UGT2B28: variants seen among roughly 807,000 people sequenced by gnomAD.
UGT2B28 encodes the protein UDP-glucuronosyltransferase 2B28.
UGT2B28 carries 45 observed loss-of-function variants against 43.6 expected under a neutral mutation model. The ratio of observed to expected loss-of-function variants is 1.03; its 90% CI spans 0.81 to 1.32. The LOEUF (loss-of-function observed/expected upper bound fraction) is 1.32. Among genes scored for constraint, UGT2B28 ranks in the 40% most tolerant of loss-of-function variants. The pLI is 0.00. For missense variants in UGT2B28, 649 were observed against 625.5 expected (o/e 1.04, Z -0.40); for synonymous variants, 204 against 208.1 (o/e 0.98, Z 0.17).
rs1486982690 is a variant in UGT2B28, at chr4:69,281,286, T to C, written c.721+65T>C. On this transcript the variant is annotated intron_variant, in intron 1 of 5. Coordinates refer to ENST00000335568, the MANE Select transcript of UGT2B28 (RefSeq NM_053039.2). ...ATTTGTGTCTTTGAAGCAGAGCTTA[T>C]ATAAAGCCATAAAGTCAGGGAAGTG... 10 of 1,419,550 alleles carry C rather than the reference T, an allele frequency of 7.0e-6. 3 individuals carry two copies. In the Admixed American group the frequency reaches 1.0e-4, roughly 14 times the overall value. The allele number at this position is 1,419,550 out of a possible 1,614,324, so 87.9% of individuals were successfully genotyped here.
At chr4:69,289,643 G>A (rs762736578) in intron 3 of UGT2B28, 22 bp from the exon 4 acceptor site, 2 of 1,527,634 alleles carry the variant, frequency 1.3e-6, no homozygotes, top group East Asian at 2.3e-5. Flanking sequence ...CATGGAATAA[G>A]ATATTCTCTT....
In UGT2B28 at chr4:69,290,774, C is replaced by A. The variant is rs1255015271; in HGVS notation, c.1273C>A (p.Leu425Met). The A allele has an allele frequency of 5.2e-5, 81 of 1,559,526 alleles. 9 individuals carry two copies. Among genetic ancestry groups the A allele is most frequent in the Non-Finnish European group, 5.9e-5 (68 of 1,155,152 alleles). Residue 425 changes from leucine (L) to methionine (M), a missense_variant, in exon 5 of 6, where the codon CTG becomes ATG. Physicochemically the swap from Leu to Met is conservative, Grantham distance 15. Coordinates refer to ENST00000335568, the MANE Select transcript of UGT2B28 (RefSeq NM_053039.2). ...LDFHTMSSTD[L>M]LNALKTVIND... ...CTTCCACACAATGTCGAGTACAGAC[C>A]TGCTGAATGCACTGAAGACAGTAAT...
intron 5 of UGT2B28, among the ~76,000 whole-genome samples, chr4:69,293,541 A>G (rs569879800): frequency 7.1e-6 from 1 of 140,602 alleles, no homozygotes; most frequent in Admixed American, 7.2e-5. Flanking sequence ...TTTGGCCAAT[A>G]AAAGCCTCTC....
chr4:69,288,781 T>G (rs1440172911), intron 3 of UGT2B28, among the ~76,000 whole-genome samples: 1 of 139,750 alleles, frequency 7.2e-6, no homozygotes, highest in African/African-American at 2.8e-5. Flanking sequence ...TGTATGTTGT[T>G]GCCATCTATG....
At position 69,283,000 on chromosome 4, in the gene UGT2B28, G is replaced by A. The variant is rs1466863745; in HGVS notation, c.870+338G>A. On this transcript the variant is annotated intron_variant, in intron 2 of 5. Transcript: ENST00000335568. ...CACAAGTAAGTGCAGAAATTTCAGA[G>A]AAAAAAAATAGACAGTTTCCGTCTG... Among the ~76,000 whole-genome samples the A allele has an allele frequency of 2.2e-5, 3 of 139,172 alleles. No individual in the cohort carries two copies. In the Admixed American group the frequency reaches 2.2e-4, roughly 10 times the overall value. The allele number at this position is 139,172 out of a possible 152,430, so 91.3% of individuals were successfully genotyped here. A position where few individuals can be genotyped will look rare whatever the true frequency, so the allele number is the denominator to read the frequency against.
chr4:69,283,080 T>C (rs761309296), intron 2 of UGT2B28, among the ~76,000 whole-genome samples: 1 of 140,542 alleles, frequency 7.1e-6, no homozygotes, highest in African/African-American at 2.8e-5. Context: ...GAAAATGTTT[T>C]AAAAAACTAT....
chr4:69,290,824 G>C lies in UGT2B28; in HGVS notation c.1310+13G>C. ...TTAATGATCCTTCGTGAGTAGAACA[G>C]TATTTTTCACTAGGTGGTATTTGTA... On this transcript the variant is annotated intron_variant, in intron 5 of 5. Transcript: ENST00000335568. 6.4e-7 allele frequency: 1 copy of C among 1,551,472 alleles called. No homozygotes were observed. The highest frequency in any genetic ancestry group is 8.7e-7 in the Non-Finnish European group (1 of 1,150,390).
Position 69,287,095 on chromosome 4 carries a change from G to T in UGT2B28, c.1002+212G>T, listed in dbSNP as rs567173327. 5.0e-4 allele frequency among the ~76,000 whole-genome samples: 70 copies of T among 138,740 alleles called. 11 individuals are homozygous for T. Among genetic ancestry groups the T allele is most frequent in the Admixed American group, 2.2e-3 (31 of 13,842 alleles). The allele number at this position is 138,740 out of a possible 152,430, so 91.0% of individuals were successfully genotyped here. A position where few individuals can be genotyped will look rare whatever the true frequency, so the allele number is the denominator to read the frequency against. On this transcript the variant is annotated intron_variant, in intron 3 of 5. Transcript: ENST00000335568. Reference sequence around the variant, plus strand: ...CTGGGGGTGTTACTACCCTTGGTATGCATGAGTGGTTCCTATTACTACCAG... The same window carrying T: ...CTGGGGGTGTTACTACCCTTGGTATTCATGAGTGGTTCCTATTACTACCAG...
intron 4 of UGT2B28, 80 bp downstream of exon 4, chr4:69,289,832 A>G: frequency 6.8e-6 from 9 of 1,332,088 alleles, no homozygotes; most frequent in Non-Finnish European, 9.1e-6. Flanking sequence ...AAACATGCTT[A>G]TTGAATATTT....
intron 2 of UGT2B28, among the ~76,000 whole-genome samples, chr4:69,285,156 A>G (rs1322105753): frequency 1.4e-5 from 2 of 139,938 alleles, no homozygotes; most frequent in Non-Finnish European, 3.0e-5. Flanking sequence ...TAAAATGTAT[A>G]TACAATAAGA....
intron 3 of UGT2B28, among the ~76,000 whole-genome samples, chr4:69,288,985 C>A (rs1240162387): frequency 2.9e-5 from 4 of 140,090 alleles, no homozygotes; most frequent in Non-Finnish European, 6.1e-5. Context: ...TCATTCAGTC[C>A]ATAATTGATG....
Position 69,294,537 on chromosome 4 carries a change from G to A in UGT2B28, c.1318G>A (p.Glu440Lys). 18 of 1,541,778 alleles carry A rather than the reference G, an allele frequency of 1.2e-5. 3 individuals are homozygous for A. Among genetic ancestry groups the A allele is most frequent in the African/African-American group, 3.1e-5 (2 of 65,556 alleles). ...KTVINDPSYK[E>K]NVMKLSIIQH... ...TTTATTTTTATCCTTCAGATATAAA[G>A]AGAATGTTATGAAATTATCAATAAT... The change falls in exon 6 of 6, where the codon GAG (glutamate) becomes AAG (lysine). Residue 440 changes from glutamate to lysine, a missense_variant. By Grantham distance (56) the Glu-to-Lys change is moderately conservative. Transcript: ENST00000335568.
Position 69,291,626 on chromosome 4 carries a change from T to A in UGT2B28, c.1310+815T>A, listed in dbSNP as rs1723958209. On this transcript the variant is annotated intron_variant, in intron 5 of 5. Transcript: ENST00000335568. The stretch of plus-strand genomic sequence containing the variant: ...TTTATAGTATGGATATGTCATAATT[T>A]AGTTGTTCATTTGTCAGTTCATTGG... 2.1e-5 allele frequency among the ~76,000 whole-genome samples: 3 copies of A among 141,090 alleles called. 1 individual carries two copies. The highest frequency in any genetic ancestry group is 4.6e-5 in the Non-Finnish European group (3 of 65,794). The allele number at this position is 141,090 out of a possible 152,430, so 92.6% of individuals were successfully genotyped here. A position where few individuals can be genotyped will look rare whatever the true frequency, so the allele number is the denominator to read the frequency against.
At chr4:69,289,283 C>T (rs1723874415) in intron 3 of UGT2B28, among the ~76,000 whole-genome samples, 1 of 139,914 alleles carries the variant, frequency 7.1e-6, no homozygotes, top group South Asian at 2.4e-4. Context: ...AATGGCCATT[C>T]TGACTAGTGT....
intron 1 of UGT2B28, among the ~76,000 whole-genome samples, chr4:69,282,101 G>A (rs1191358170): frequency 7.1e-6 from 1 of 140,174 alleles, no homozygotes; most frequent in Non-Finnish European, 1.5e-5. Flanking sequence ...AAGGAGTTGT[G>A]TAAACTGGAC....
At chr4:69,293,775 T>G (rs1389338771) in intron 5 of UGT2B28, among the ~76,000 whole-genome samples, 1 of 140,454 alleles carries the variant, frequency 7.1e-6, no homozygotes, top group Non-Finnish European at 1.5e-5. Flanking sequence ...AAATGTAGGG[T>G]TCTGTAGACC....
rs751836274 is a variant in UGT2B28, at chr4:69,285,008, A to G, written c.871-1744A>G. 6.4e-5 allele frequency among the ~76,000 whole-genome samples: 9 copies of G among 140,362 alleles called. 1 individual carries two copies. Among genetic ancestry groups the G allele is most frequent in the Non-Finnish European group, 9.1e-5 (6 of 65,810 alleles). The allele number at this position is 140,362 out of a possible 152,430, so 92.1% of individuals were successfully genotyped here. ...GAATTAATCCGACATCTTACATGAA[A>G]GAATGATTAAAATTTATTTGCATAC... On this transcript the variant is annotated intron_variant, in intron 2 of 5. Transcript: ENST00000335568.
intron 5 of UGT2B28, among the ~76,000 whole-genome samples, chr4:69,293,743 A>T (rs1194361862): frequency 7.1e-6 from 1 of 140,554 alleles, no homozygotes; most frequent in African/African-American, 2.8e-5. Flanking sequence ...AAAGTGTTAG[A>T]AAAGAGCTTG....
chr4:69,282,205 A>G lies in UGT2B28; in HGVS notation c.722-309A>G, dbSNP rs1723633966. Among the ~76,000 whole-genome samples the G allele has an allele frequency of 2.1e-5, 3 of 139,792 alleles. 1 individual carries two copies. Among genetic ancestry groups the G allele is most frequent in the South Asian group, 2.4e-4 (1 of 4,190 alleles). 91.7% of individuals were successfully genotyped at this position (139,792 alleles called of 152,430 possible). A position where few individuals can be genotyped will look rare whatever the true frequency, so the allele number is the denominator to read the frequency against. On this transcript the variant is annotated intron_variant, in intron 1 of 5. Transcript: ENST00000335568. ...ATCTATATGCAACTATTGAAGCTTT[A>G]AAGAGAAAATAAATTGATGTTTAAT... is the stretch of plus-strand genomic sequence containing the variant.
Sources: allele counts gnomAD v4.1 joint callset (sites outside exome capture counted in the v4.1 genomes callset), GRCh38; gene constraint gnomAD v4.1.1; transcripts MANE v1.5; gene names NCBI Gene and HGNC (gene_info 2026-07-23, HGNC 2026-07-21).